Variants in ZNF680 observed in about 807,000 individuals in gnomAD.
ZNF680 encodes the protein hypothetical protein FLJ90430.
A neutral mutation model predicts 12.1 loss-of-function variants in ZNF680; 6 were observed. The observed-to-expected ratio is 0.49, with a 90% CI of 0.27 to 0.98. The LOEUF (loss-of-function observed/expected upper bound fraction) is 0.98. Ranked by LOEUF, ZNF680 falls within the 50% of genes least tolerant of loss-of-function variation. ZNF680 has a pLI of 0.12. For synonymous variants in ZNF680, 170 were observed against 199.3 expected (o/e 0.85, Z 1.24); for missense variants, 561 against 616.3 (o/e 0.91, Z 0.95).
At position 64,546,752 on chromosome 7, in the gene ZNF680, T is replaced by C. The variant is rs1055035960; in HGVS notation, c.31-2320A>G. Reference sequence around the variant, plus strand: ...AGTGAGACTCCATCTCTTAAATATATGTTTCTCTTTTCCTGTTCTCAGGTG... The same window carrying C: ...AGTGAGACTCCATCTCTTAAATATACGTTTCTCTTTTCCTGTTCTCAGGTG... On this transcript the variant is annotated intron_variant, in intron 1 of 3. Coordinates refer to ENST00000309683, the MANE Select transcript of ZNF680 (RefSeq NM_178558.5). Among the ~76,000 whole-genome samples, 9 of 152,174 alleles carry C rather than the reference T, an allele frequency of 5.9e-5. No individual in the cohort carries two copies. In the East Asian group the frequency reaches 1.4e-3, roughly 23 times the overall value.
chr7:64,539,459 G>A (rs1786383109), intron 3 of ZNF680, among the ~76,000 whole-genome samples: 1 of 150,814 alleles, frequency 6.6e-6, no homozygotes, highest in African/African-American at 2.4e-5. Context: ...GATGGGTACT[G>A]TATGATTCCA....
chr7:64,559,097 C>A (rs1412670790), intron 1 of ZNF680, among the ~76,000 whole-genome samples: 1 of 152,136 alleles, frequency 6.6e-6, no homozygotes, highest in East Asian at 1.9e-4. Context: ...TCCCCCTTCT[C>A]TCTCTCCCTC....
At chr7:64,539,460 T>C (rs1280347422) in intron 3 of ZNF680, among the ~76,000 whole-genome samples, 1 of 151,648 alleles carries the variant, frequency 6.6e-6, no homozygotes, top group Non-Finnish European at 1.5e-5. Flanking sequence ...ATGGGTACTG[T>C]ATGATTCCAC....
chr7:64,544,143 T>A, intron 2 of ZNF680, 163 bp downstream of exon 2: 1 of 1,033,816 alleles, frequency 9.7e-7, no homozygotes, highest in East Asian at 2.9e-5. Flanking sequence ...AGATGAAACG[T>A]ACTGAAGGAA....
chr7:64,512,611 T>TA, the ZNF680 span, among the ~76,000 whole-genome samples: 2 of 152,078 alleles, frequency 1.3e-5, no homozygotes, highest in African/African-American at 4.8e-5. Flanking sequence ...AAATCTCATT[T>TA]AAAAAAAATT....
At chr7:64,506,193 ATTTT>A in the ZNF680 span, among the ~76,000 whole-genome samples, 17 of 105,576 alleles carry the variant, frequency 1.6e-4, no homozygotes, top group Admixed American at 3.0e-4. Context: ...AGTCTTTTAG[ATTTT>A]TTTTTTTTTT....
the ZNF680 span, among the ~76,000 whole-genome samples, chr7:64,508,090 A>T: frequency 1.1e-3 from 152 of 141,406 alleles, no homozygotes; most frequent in African/African-American, 4.0e-3. Flanking sequence ...TGTTAGAGAA[A>T]CAAGTTATTT....
rs1055251123 is a variant in ZNF680, at chr7:64,520,974, T to C, written c.*187A>G. On this transcript the variant is annotated 3_prime_UTR_variant, in exon 4 of 4. Transcript: ENST00000309683. ...TTGTACAATCTTTCTCAAGTAAAAA[T>C]GCTTTCCTGTGCAATAAGATGTGAG... The C allele has an allele frequency of 4.4e-5, 26 of 585,512 alleles. 1 individual carries two copies. Among genetic ancestry groups the C allele is most frequent in the Admixed American group, 3.9e-4 (11 of 28,372 alleles). The allele number at this position is 585,512 out of a possible 1,614,324, so 36.3% of individuals were successfully genotyped here. A position where few individuals can be genotyped will look rare whatever the true frequency, so the allele number is the denominator to read the frequency against.
At chr7:64,504,356 T>C in the ZNF680 span, among the ~76,000 whole-genome samples, 1 of 151,588 alleles carries the variant, frequency 6.6e-6, no homozygotes, top group South Asian at 2.1e-4. Flanking sequence ...TGCCAAACAC[T>C]GTTATTTGGC....
rs371089744 is a variant in ZNF680, at chr7:64,521,111, C to T, written c.*50G>A. On this transcript the variant is annotated 3_prime_UTR_variant, in exon 4 of 4. Coordinates refer to ENST00000309683, the MANE Select transcript of ZNF680 (RefSeq NM_178558.5). ...TTGGAAGGCTTTGTCAAATTCTTCA[C>T]ATTTTTAGGGTTTCTCAACAGGATG... is the stretch of plus-strand genomic sequence containing the variant. The T allele has an allele frequency of 5.9e-6, 9 of 1,519,388 alleles. No homozygotes were observed. Among genetic ancestry groups the T allele is most frequent in the East Asian group, 2.3e-5 (1 of 44,196 alleles). The allele number at this position is 1,519,388 out of a possible 1,614,324, so 94.1% of individuals were successfully genotyped here.
chr7:64,522,596 C>G (rs1791606569), intron 3 of ZNF680, 96 bp from the exon 4 acceptor site: 1 of 910,746 alleles, frequency 1.1e-6, no homozygotes, highest in South Asian at 5.1e-5. Flanking sequence ...ACTACATAAG[C>G]AAAATACAAA....
At chr7:64,533,559 T>C (rs1785998178) in intron 3 of ZNF680, among the ~76,000 whole-genome samples, 1 of 152,026 alleles carries the variant, frequency 6.6e-6, no homozygotes, top group Non-Finnish European at 1.5e-5. Flanking sequence ...TATGGATAGG[T>C]AGAATTAATC....
At chr7:64,543,662 C>T in intron 3 of ZNF680, 45 bp downstream of exon 3, 1 of 1,497,456 alleles carries the variant, frequency 6.7e-7, no homozygotes, top group Admixed American at 1.8e-5. Context: ...ACATCTGGAC[C>T]TCTCATCTGT....
At chr7:64,502,075 CT>C in the ZNF680 span, among the ~76,000 whole-genome samples, 1 of 138,342 alleles carries the variant, frequency 7.2e-6, no homozygotes, top group South Asian at 2.3e-4. Flanking sequence ...TGCAATCTTG[CT>C]TCACTGCAAC....
At chr7:64,545,539 G>A (rs1057126640) in intron 1 of ZNF680, among the ~76,000 whole-genome samples, 10 of 152,124 alleles carry the variant, frequency 6.6e-5, no homozygotes, top group African/African-American at 2.4e-4. Flanking sequence ...TTTATGATGT[G>A]CTGATGCACA....
At chr7:64,503,492 T>C in the ZNF680 span, among the ~76,000 whole-genome samples, 1 of 149,990 alleles carries the variant, frequency 6.7e-6, no homozygotes, top group Non-Finnish European at 1.5e-5. Context: ...GCGATTCTCC[T>C]GCCTCAGCCT....
chr7:64,542,557 T>C (rs1233358040), intron 3 of ZNF680, among the ~76,000 whole-genome samples: 1 of 152,202 alleles, frequency 6.6e-6, no homozygotes, highest in Non-Finnish European at 1.5e-5. Context: ...GTTTAAGTTA[T>C]GGTTCCATAC....
At position 64,521,002 on chromosome 7, in the gene ZNF680, T is replaced by C. The variant is rs1221926552; in HGVS notation, c.*159A>G. The C allele has an allele frequency of 2.7e-6, 2 of 733,048 alleles. No individual in the cohort carries two copies. The highest frequency in any genetic ancestry group is 4.3e-6 in the Non-Finnish European group (2 of 465,990). The allele number at this position is 733,048 out of a possible 1,614,324, so 45.4% of individuals were successfully genotyped here. On this transcript the variant is annotated 3_prime_UTR_variant, in exon 4 of 4. Coordinates refer to ENST00000309683, the MANE Select transcript of ZNF680 (RefSeq NM_178558.5). ...TTTCCTGTGCAATAAGATGTGAGTA[T>C]TGGTTAAGTTTTGTCACATTCTTTA...
intron 3 of ZNF680, among the ~76,000 whole-genome samples, chr7:64,528,300 G>A (rs534814268): frequency 4.6e-5 from 7 of 152,102 alleles, no homozygotes; most frequent in East Asian, 1.9e-4. Context: ...AGAAGCCTCC[G>A]GGCCAGAACT....
Sources: gnomAD v4.1 joint callset for allele counts (sites outside exome capture counted in the v4.1 genomes callset) on GRCh38, gnomAD v4.1.1 for gene constraint, MANE v1.5 for transcripts, NCBI Gene and HGNC (gene_info 2026-07-23, HGNC 2026-07-21) for gene names.